ATOSA: variants seen among roughly 807,000 people sequenced by gnomAD.
ATOSA encodes the protein atos homolog A, also known as atos homolog protein A.
At chr15:52,671,914 A>G in the ATOSA span, among the ~76,000 whole-genome samples, 1 of 151,730 alleles carries the variant, frequency 6.6e-6, no homozygotes, top group Non-Finnish European at 1.5e-5. Flanking sequence ...TATCTTTTAC[A>G]TGGAAAGGAA....
the ATOSA span, among the ~76,000 whole-genome samples, chr15:52,706,308 A>C: frequency 6.6e-6 from 1 of 152,256 alleles, no homozygotes; most frequent in Admixed American, 6.5e-5. Flanking sequence ...TAATCCAACC[A>C]ATTTGTGAAC....
the ATOSA span, among the ~76,000 whole-genome samples, chr15:52,700,045 G>T: frequency 6.6e-6 from 1 of 152,014 alleles, no homozygotes; most frequent in Non-Finnish European, 1.5e-5. Flanking sequence ...TAAATTTTTC[G>T]AATCTAAAGT....
At chr15:52,686,178 A>G in the ATOSA span, among the ~76,000 whole-genome samples, 1 of 152,218 alleles carries the variant, frequency 6.6e-6, no homozygotes, top group Non-Finnish European at 1.5e-5. Context: ...ATGAGCTGGT[A>G]GAGATACTGT....
chr15:52,707,748 C>T, the ATOSA span, among the ~76,000 whole-genome samples: 37 of 151,792 alleles, frequency 2.4e-4, no homozygotes, highest in Middle Eastern at 3.4e-3. Context: ...CACATACTCC[C>T]GAATGATTCA....
At chr15:52,644,145 ACTC>A in the ATOSA span, among the ~76,000 whole-genome samples, 1 of 150,832 alleles carries the variant, frequency 6.6e-6, no homozygotes, top group Admixed American at 6.6e-5. Flanking sequence ...CTGGTTTTGA[ACTC>A]CTGGCCTCAA....
the ATOSA span, among the ~76,000 whole-genome samples, chr15:52,700,934 A>T: frequency 6.6e-6 from 1 of 152,250 alleles, no homozygotes; most frequent in Non-Finnish European, 1.5e-5. Flanking sequence ...TAAATTTAAC[A>T]TGATCTCAAT....
At chr15:52,618,206 T>C in the ATOSA span, among the ~76,000 whole-genome samples, 145 of 150,762 alleles carry the variant, frequency 9.6e-4, no homozygotes, top group African/African-American at 3.6e-3. Context: ...GTCTGGCTAA[T>C]TTTTTTGTAT....
the ATOSA span, chr15:52,593,845 G>T: frequency 1.1e-4 from 118 of 1,062,854 alleles, no homozygotes; most frequent in Non-Finnish European, 1.5e-4. Context: ...GTGATTAAAA[G>T]AAATATATTA....
chr15:52,661,931 CAAAAA>C, the ATOSA span, among the ~76,000 whole-genome samples: 5 of 73,256 alleles, frequency 6.8e-5, no homozygotes, highest in South Asian at 7.0e-4. Flanking sequence ...CAAGCCAGGC[CAAAAA>C]AAAAAAAAAA....
At chr15:52,698,787 TTATACAGATG>T in the ATOSA span, among the ~76,000 whole-genome samples, 29 of 152,332 alleles carry the variant, frequency 1.9e-4, no homozygotes, top group African/African-American at 6.7e-4. Flanking sequence ...TAGAGTGTGG[TTATACAGATG>T]TATACATAAG....
the ATOSA span, among the ~76,000 whole-genome samples, chr15:52,706,851 A>C: frequency 6.6e-6 from 1 of 152,130 alleles, no homozygotes; most frequent in Non-Finnish European, 1.5e-5. Flanking sequence ...GAATACGCAA[A>C]TCTGTAGAGA....
the ATOSA span, among the ~76,000 whole-genome samples, chr15:52,671,919 A>G: frequency 2.9e-4 from 44 of 151,838 alleles, no homozygotes; most frequent in Admixed American, 2.0e-3. Flanking sequence ...TTTACATGGA[A>G]AGGAAAATAT....
the ATOSA span, among the ~76,000 whole-genome samples, chr15:52,630,191 C>T: frequency 6.6e-6 from 1 of 151,988 alleles, no homozygotes; most frequent in Non-Finnish European, 1.5e-5. Flanking sequence ...AAAAGTAGCC[C>T]CAAATTTCTA....
chr15:52,609,154 T>C, the ATOSA span: 2 of 1,613,578 alleles, frequency 1.2e-6, no homozygotes, highest in Non-Finnish European at 1.7e-6. Flanking sequence ...AGGATTGTTC[T>C]GACACTGATT....
the ATOSA span, among the ~76,000 whole-genome samples, chr15:52,635,649 T>C: frequency 4.2e-4 from 64 of 151,596 alleles, no homozygotes; most frequent in African/African-American, 1.5e-3. Flanking sequence ...TGAGCTAGGA[T>C]TGTGCCTCTG....
chr15:52,622,035 T>C, the ATOSA span, among the ~76,000 whole-genome samples: 1 of 151,964 alleles, frequency 6.6e-6, no homozygotes, highest in Non-Finnish European at 1.5e-5. Context: ...TTAGTAGAGA[T>C]GGGGTTTCAC....
At chr15:52,685,189 T>C in the ATOSA span, among the ~76,000 whole-genome samples, 2,026 of 152,358 alleles carry the variant, frequency 0.013, 33 homozygotes, top group African/African-American at 0.047. Flanking sequence ...AACCAAGTGA[T>C]GCCTTTTAGC....
chr15:52,654,985 G>A, the ATOSA span, among the ~76,000 whole-genome samples: 4 of 151,886 alleles, frequency 2.6e-5, no homozygotes, highest in African/African-American at 9.7e-5. Context: ...TGGCCCATGG[G>A]CCAGGCATGA....
the ATOSA span, among the ~76,000 whole-genome samples, chr15:52,634,931 T>C: frequency 2.0e-5 from 3 of 152,078 alleles, no homozygotes; most frequent in East Asian, 1.9e-4. Flanking sequence ...AAAGAAATAA[T>C]AGGTTAAAAG....
Sources: allele counts gnomAD v4.1 joint callset (sites outside exome capture counted in the v4.1 genomes callset), GRCh38; gene constraint gnomAD v4.1.1; transcripts MANE v1.5; gene names NCBI Gene and HGNC (gene_info 2026-07-23, HGNC 2026-07-21).